Variants in TRAP1 observed in about 807,000 individuals in gnomAD.
TRAP1 encodes TNF receptor associated protein 1.
In TRAP1, 102 loss-of-function variants were observed where a neutral mutation model predicts 89.1. That is an observed-to-expected ratio of 1.15 (90% CI 0.98 to 1.35). The LOEUF is 1.35. Ranked by LOEUF, TRAP1 falls within the 40% of genes most tolerant of loss-of-function variation. TRAP1 has a pLI of 0.00. For synonymous variants in TRAP1, 508 were observed against 388.0 expected (o/e 1.31, Z -3.64); for missense variants, 1,256 against 945.3 (o/e 1.33, Z -4.31).
intron 1 of TRAP1, among the ~76,000 whole-genome samples, chr16:3,699,742 A>G (rs1044630191): frequency 2.6e-5 from 4 of 151,442 alleles, no homozygotes; most frequent in African/African-American, 9.7e-5. Flanking sequence ...GTCATGGCTC[A>G]CTGCAGTCTT....
chr16:3,685,847 G>A (rs866519692), intron 4 of TRAP1, 149 bp downstream of exon 4: 3 of 1,054,458 alleles, frequency 2.8e-6, no homozygotes, highest in South Asian at 1.8e-5. Context: ...TAATGAATGA[G>A]TGCTACTGTA....
intron 2 of TRAP1, chr16:3,689,853 C>T (rs2051189486): frequency 1.3e-5 from 2 of 152,280 alleles, no homozygotes; most frequent in Non-Finnish European, 2.9e-5. Flanking sequence ...CAAAACAAAA[C>T]AAAAAGTCTC....
At chr16:3,673,784 C>T (rs753071350) in intron 9 of TRAP1, among the ~76,000 whole-genome samples, 7 of 152,144 alleles carry the variant, frequency 4.6e-5, no homozygotes, top group South Asian at 2.1e-4. Flanking sequence ...GGTCTCCTTA[C>T]GGCAGGATTT....
intron 13 of TRAP1, chr16:3,663,882 G>T (rs1238277580): frequency 1.4e-5 from 5 of 369,158 alleles, no homozygotes; most frequent in African/African-American, 1.0e-4. Flanking sequence ...GACCAACATG[G>T]TGAAATGCCG....
intron 12 of TRAP1, 64 bp from the exon 13 acceptor site, chr16:3,664,523 C>G (rs2050781634): frequency 7.9e-6 from 12 of 1,519,848 alleles, no homozygotes; most frequent in Non-Finnish European, 1.1e-5. Context: ...GCCCAACTAA[C>G]TGGGCGCAAA....
chr16:3,687,208 CAT>C (rs1452257654), intron 3 of TRAP1: 1 of 152,170 alleles, frequency 6.6e-6, no homozygotes, highest in African/African-American at 2.4e-5. Context: ...GAGTAAGTCT[CAT>C]GAGATCTGAC....
chr16:3,693,770 A>G (rs2051248568), intron 1 of TRAP1, among the ~76,000 whole-genome samples: 1 of 152,142 alleles, frequency 6.6e-6, no homozygotes, highest in Non-Finnish European at 1.5e-5. Flanking sequence ...AGGCAGGAGA[A>G]TCGCTTGAGC....
chr16:3,698,423 G>C (rs572457259), intron 1 of TRAP1, among the ~76,000 whole-genome samples: 2 of 151,104 alleles, frequency 1.3e-5, no homozygotes, highest in Non-Finnish European at 2.9e-5. Context: ...CCATTCTCCT[G>C]CCTCAGCCTC....
chr16:3,699,961 C>T (rs2051343444), intron 1 of TRAP1, among the ~76,000 whole-genome samples: 1 of 152,030 alleles, frequency 6.6e-6, no homozygotes, highest in Non-Finnish European at 1.5e-5. Context: ...CAGGTCTGAG[C>T]CACCACGCCC....
At chr16:3,708,189 C>A (rs980069682) in intron 1 of TRAP1, among the ~76,000 whole-genome samples, 2 of 151,938 alleles carry the variant, frequency 1.3e-5, no homozygotes, top group Non-Finnish European at 1.5e-5. Flanking sequence ...CAAAGCAAGA[C>A]CCTGCCTCTA....
chr16:3,676,241 G>A lies in TRAP1; in HGVS notation c.705-96C>T, dbSNP rs1025697344. The A allele has an allele frequency of 3.9e-6, 4 of 1,030,124 alleles. No individual in the cohort carries two copies. The African/African-American group carries it at 6.4e-5, about 16-fold the overall frequency. 63.8% of individuals were successfully genotyped at this position (1,030,124 alleles called of 1,614,324 possible). A position where few individuals can be genotyped will look rare whatever the true frequency, so the allele number is the denominator to read the frequency against. ...GGTTCCCGAGGGTTTCATAGGCAGA[G>A]CCCAAACAACACACAACACACCTCA... On this transcript the variant is annotated intron_variant, in intron 6 of 17. Coordinates refer to ENST00000246957, the MANE Select transcript of TRAP1 (RefSeq NM_016292.3).
In TRAP1 at chr16:3,658,848, T is replaced by C. The variant is rs754758145; in HGVS notation, c.1958A>G (p.Lys653Arg). 2 of 1,613,952 alleles carry C rather than the reference T, an allele frequency of 1.2e-6. No individual in the cohort carries two copies. The highest frequency in any genetic ancestry group is 2.2e-5 in the East Asian group (1 of 44,894). ...EINPRHALIK[K>R]LNQLRASEPG... ...CTCGCTTGCGCGCAGCTGATTCAGC[T>C]TCTTGATGAGCGCGTGCCTGCAACA... is the stretch of plus-strand genomic sequence containing the variant. The change falls in exon 17 of 18, where the codon AAG becomes AGG. Residue 653 changes from lysine (K) to arginine (R), a missense_variant. Coordinates refer to ENST00000246957, the MANE Select transcript of TRAP1 (RefSeq NM_016292.3).
intron 17 of TRAP1, 66 bp downstream of exon 17, chr16:3,658,727 C>T: frequency 6.7e-7 from 1 of 1,498,980 alleles, no homozygotes; most frequent in Non-Finnish European, 9.2e-7. Flanking sequence ...GCTGTTCCAC[C>T]CTGAAGGCAG....
At chr16:3,684,895 T>C (rs2151264931) in intron 4 of TRAP1, among the ~76,000 whole-genome samples, 1 of 152,340 alleles carries the variant, frequency 6.6e-6, no homozygotes, top group South Asian at 2.1e-4. Flanking sequence ...CTAAATTACC[T>C]GCTCAAATTT....
intron 9 of TRAP1, 149 bp downstream of exon 9, chr16:3,674,190 G>A: frequency 8.9e-7 from 1 of 1,127,768 alleles, no homozygotes; most frequent in Non-Finnish European, 1.2e-6. Context: ...CAAAGTGCTG[G>A]GATAACAGGC....
intron 2 of TRAP1, among the ~76,000 whole-genome samples, chr16:3,689,434 C>T (rs955712137): frequency 2.6e-5 from 4 of 151,916 alleles, no homozygotes; most frequent in African/African-American, 9.7e-5. Context: ...TTAGTAGAGA[C>T]GGGGTTTTAC....
chr16:3,668,531 G>A (rs530205040), intron 11 of TRAP1, among the ~76,000 whole-genome samples: 5 of 152,146 alleles, frequency 3.3e-5, no homozygotes, highest in Non-Finnish European at 7.4e-5. Flanking sequence ...CCTCTCACAG[G>A]ATTCGAGGAA....
chr16:3,677,658 C>G lies in TRAP1; in HGVS notation c.544G>C (p.Ala182Pro), dbSNP rs765050246. ...LGTIARSGSK[A>P]FLDALQNQAE... is the part of the protein sequence containing the mutation. ...TGGTTCTGCAGAGCATCCAGGAAGG[C>G]CTGTGGGGCAGAGGCCAGTTAGTGA... Residue 182 changes from alanine to proline, a missense_variant and splice_region_variant, in exon 6 of 18, where the codon GCC (alanine) becomes CCC (proline). Physicochemically the swap from Ala to Pro is conservative, Grantham distance 27. Transcript: ENST00000246957. 3.1e-6 allele frequency: 5 copies of G among 1,612,980 alleles called. No homozygotes were observed. The highest frequency in any genetic ancestry group is 1.3e-5 in the African/African-American group (1 of 74,926).
chr16:3,663,390 C>G (rs770499760), intron 14 of TRAP1, 34 bp downstream of exon 14: 2 of 1,612,780 alleles, frequency 1.2e-6, no homozygotes, highest in East Asian at 2.2e-5. Context: ...GGAGTGGAAA[C>G]CAGCCCCACG....
Sources: allele counts gnomAD v4.1 joint callset (sites outside exome capture counted in the v4.1 genomes callset), GRCh38; gene constraint gnomAD v4.1.1; transcripts MANE v1.5; gene names NCBI Gene and HGNC (gene_info 2026-07-23, HGNC 2026-07-21).